SMIM8: variants seen among roughly 807,000 people sequenced by gnomAD.
SMIM8 encodes UPF0708 protein C6orf162.
SMIM8 carries 8 observed loss-of-function variants against 8.1 expected under a neutral mutation model. That is an observed-to-expected ratio of 0.99 (90% CI 0.58 to 1.78). SMIM8 has a LOEUF of 1.78. SMIM8 is among the 40% of genes most tolerant of loss of function. SMIM8 has a pLI of 0.00. For synonymous variants in SMIM8, 45 were observed against 39.7 expected, an observed-to-expected ratio of 1.13 and a Z score of -0.50; for missense variants, 126 against 119.8, an observed-to-expected ratio of 1.05 and a Z score of -0.24.
intron 1 of SMIM8, among the ~76,000 whole-genome samples, chr6:87,328,002 A>C (rs1194245739): frequency 6.6e-6 from 1 of 151,240 alleles, no homozygotes. Flanking sequence ...CATTTCATTC[A>C]CTTCATCTTC....
chr6:87,338,962 A>G (rs1777165656), intron 3 of SMIM8, among the ~76,000 whole-genome samples: 1 of 130,698 alleles, frequency 7.7e-6, no homozygotes, highest in Non-Finnish European at 1.5e-5. Flanking sequence ...CAATCCCAGT[A>G]CTTTGGGAGG....
intron 2 of SMIM8, among the ~76,000 whole-genome samples, chr6:87,334,966 A>G (rs1777074922): frequency 6.6e-6 from 1 of 152,164 alleles, no homozygotes; most frequent in African/African-American, 2.4e-5. Context: ...TTCCCATTGA[A>G]CTACACAGCC....
At chr6:87,334,524 A>G (rs1777062394) in intron 2 of SMIM8, among the ~76,000 whole-genome samples, 1 of 152,100 alleles carries the variant, frequency 6.6e-6, no homozygotes, top group Non-Finnish European at 1.5e-5. Context: ...GGCTGGTCTC[A>G]GACTCCTGGG....
At chr6:87,323,973 C>G (rs143093137) in intron 1 of SMIM8, among the ~76,000 whole-genome samples, 91,805 of 147,786 alleles carry the variant, frequency 0.62, 29,048 homozygotes, top group African/African-American at 0.69. Flanking sequence ...ATTCTAACTG[C>G]TGTGAGATGG....
At chr6:87,337,249 A>G (rs45620640) in intron 3 of SMIM8, 83 bp downstream of exon 3, 36,362 of 1,432,276 alleles carry the variant, frequency 0.025, 752 homozygotes, top group African/African-American at 0.1. Flanking sequence ...ATTTGATTTT[A>G]TCATGGAAAT....
chr6:87,329,081 G>C (rs1200404784), intron 1 of SMIM8: 1 of 153,014 alleles, frequency 6.5e-6, no homozygotes, highest in Non-Finnish European at 1.5e-5. Context: ...TGCACTTCCC[G>C]AGTGAGGCAA....
chr6:87,339,999 G>T, intron 3 of SMIM8, 117 bp from the exon 4 acceptor site: 2 of 678,892 alleles, frequency 2.9e-6, no homozygotes, highest in East Asian at 2.9e-5. Flanking sequence ...ATATTGCCAT[G>T]GTAATGCTAG....
chr6:87,329,337 C>T (rs188692527), intron 1 of SMIM8: 100 of 152,756 alleles, frequency 6.5e-4, no homozygotes, highest in Non-Finnish European at 1.1e-3. Flanking sequence ...TGCAGTGGCA[C>T]GATCTCGGCT....
intron 2 of SMIM8, among the ~76,000 whole-genome samples, chr6:87,333,330 C>T (rs1304021508): frequency 6.6e-6 from 1 of 152,224 alleles, no homozygotes; most frequent in Admixed American, 6.5e-5. Flanking sequence ...CCAAACACCT[C>T]CCACTAGGCC....
intron 2 of SMIM8, among the ~76,000 whole-genome samples, chr6:87,334,310 T>C (rs1777056711): frequency 6.6e-6 from 1 of 152,236 alleles, no homozygotes; most frequent in Non-Finnish European, 1.5e-5. Flanking sequence ...TTGGGCATAT[T>C]CTGGAATTGT....
chr6:87,328,003 C>T (rs61431455), intron 1 of SMIM8, among the ~76,000 whole-genome samples: 9,807 of 151,002 alleles, frequency 0.065, 639 homozygotes, highest in African/African-American at 0.17. Context: ...ATTTCATTCA[C>T]TTCATCTTCC....
intron 2 of SMIM8, among the ~76,000 whole-genome samples, chr6:87,333,768 A>G (rs1777044374): frequency 6.6e-6 from 1 of 152,254 alleles, no homozygotes; most frequent in Non-Finnish European, 1.5e-5. Context: ...TTTGCATGAT[A>G]TCAGGTTCAT....
chr6:87,322,843 C>T (rs1012532252), intron 1 of SMIM8: 6 of 152,356 alleles, frequency 3.9e-5, no homozygotes, highest in African/African-American at 1.4e-4. Context: ...TCTGGCCCCA[C>T]AGAGCCCATT....
chr6:87,337,158 A>C lies in SMIM8; in HGVS notation c.127A>C (p.Ile43Leu), dbSNP rs773302738. The stretch of plus-strand genomic sequence containing the variant: ...TCGTGCTGTGAATCCAGAGCTCTTC[A>C]TTAAACCTGTAAGAAATACATCCAG... ...LFRAVNPELFIKPNKPVMAFG... is the reference protein window; with the variant it reads ...LFRAVNPELFLKPNKPVMAFG... The change falls in exon 3 of 4, where the codon ATT (isoleucine) becomes CTT (leucine). Residue 43 changes from isoleucine (I) to leucine (L), a missense_variant. By Grantham distance (5) the Ile-to-Leu change is conservative. Coordinates refer to ENST00000392863, the MANE Select transcript of SMIM8 (RefSeq NM_001042493.3). 6.2e-7 allele frequency: 1 copy of C among 1,609,494 alleles called. No individual in the cohort carries two copies. Among genetic ancestry groups the C allele is most frequent in the African/African-American group, 1.3e-5 (1 of 74,852 alleles).
chr6:87,339,428 GTGTGTGTT>G (rs1422671719), intron 3 of SMIM8, among the ~76,000 whole-genome samples: 2 of 88,970 alleles, frequency 2.2e-5, no homozygotes, highest in Non-Finnish European at 4.6e-5. Context: ...GTGTGTGTGT[GTGTGTGTT>G]TGTGTGTGTG....
chr6:87,326,427 T>C (rs2985038), intron 1 of SMIM8, among the ~76,000 whole-genome samples: 94,113 of 151,824 alleles, frequency 0.62, 29,566 homozygotes, highest in African/African-American at 0.68. Flanking sequence ...TCCCTCTACA[T>C]GCTGCTTTGA....
chr6:87,329,039 C>T (rs1776921167), intron 1 of SMIM8: 1 of 152,964 alleles, frequency 6.5e-6, no homozygotes, highest in Non-Finnish European at 1.5e-5. Flanking sequence ...TCACCCTTTT[C>T]TTTGACTAGG....
chr6:87,324,723 TTTTGG>T (rs1333103157), intron 1 of SMIM8, among the ~76,000 whole-genome samples: 12 of 152,076 alleles, frequency 7.9e-5, no homozygotes, highest in Non-Finnish European at 1.6e-4. Context: ...AGCTTTGTTC[TTTTGG>T]CTTAGGATTG....
chr6:87,341,182 G>A lies in SMIM8; in HGVS notation c.*908G>A, dbSNP rs1777225467. 2.5e-6 allele frequency: 1 copy of A among 397,206 alleles called. No homozygotes were observed. The highest frequency in any genetic ancestry group is 1.3e-4 in the South Asian group (1 of 7,752). The allele number at this position is 397,206 out of a possible 1,614,324, so 24.6% of individuals were successfully genotyped here. On this transcript the variant is annotated 3_prime_UTR_variant, in exon 4 of 4. Transcript: ENST00000392863. ...CCTTATTGTACCTTTTTTTTCTTTT[G>A]AAGTTTATATGCCAGCAGGCCTTTT...
Sources: allele counts gnomAD v4.1 joint callset (sites outside exome capture counted in the v4.1 genomes callset), GRCh38; gene constraint gnomAD v4.1.1; transcripts MANE v1.5; gene names NCBI Gene and HGNC (gene_info 2026-07-23, HGNC 2026-07-21).